Variants in CDH18 observed in about 807,000 individuals in gnomAD.
The protein encoded by CDH18 is cadherin-18.
CDH18 carries 31 observed loss-of-function variants against 67.9 expected under a neutral mutation model. That is an observed-to-expected ratio of 0.46 (90% confidence interval 0.34 to 0.62). The LOEUF (loss-of-function observed/expected upper bound fraction) is 0.62, where lower values mean the gene tolerates loss of function less well. Ranked by LOEUF, CDH18 falls within the 20% of genes least tolerant of loss-of-function variation. The probability of loss-of-function intolerance (pLI) is 0.01; values close to 1 mark genes in which losing one functional copy is unlikely to be tolerated. For synonymous variants in CDH18, 362 were observed against 347.2 expected (o/e 1.04, Z -0.48); for missense variants, 890 against 975.5 (o/e 0.91, Z 1.17).
chr5:20,294,835 A>G (rs531531062), intron 1 of CDH18, among the ~76,000 whole-genome samples: 1 of 152,282 alleles, frequency 6.6e-6, no homozygotes, highest in South Asian at 2.1e-4. Context: ...ACATATATAT[A>G]TACACACATA....
At chr5:19,622,039 A>C (rs1012687595) in intron 5 of CDH18, among the ~76,000 whole-genome samples, 1 of 152,108 alleles carries the variant, frequency 6.6e-6, no homozygotes. Flanking sequence ...AAAAATAAGA[A>C]AGAAACAGCT....
intron 1 of CDH18, among the ~76,000 whole-genome samples, chr5:20,482,850 G>A (rs1427188406): frequency 6.6e-6 from 1 of 151,928 alleles, no homozygotes; most frequent in African/African-American, 2.4e-5. Context: ...AGCCTCTCCT[G>A]CATGATCTCA....
chr5:19,703,212 G>T (rs1763496111), intron 5 of CDH18, among the ~76,000 whole-genome samples: 1 of 152,056 alleles, frequency 6.6e-6, no homozygotes, highest in Non-Finnish European at 1.5e-5. Flanking sequence ...CTATACATGG[G>T]GCTCAAACCT....
At chr5:20,111,737 G>A (rs979478975) in intron 2 of CDH18, among the ~76,000 whole-genome samples, 1 of 151,766 alleles carries the variant, frequency 6.6e-6, no homozygotes, top group Non-Finnish European at 1.5e-5. Context: ...TAGAGATGGG[G>A]TTTCACCATG....
At chr5:20,327,400 T>C (rs1221495228) in intron 1 of CDH18, among the ~76,000 whole-genome samples, 2 of 152,178 alleles carry the variant, frequency 1.3e-5, no homozygotes, top group African/African-American at 4.8e-5. Flanking sequence ...AAAAAGTAGA[T>C]TTACTATGGC....
intron 3 of CDH18, 54 bp from the exon 4 acceptor site, chr5:19,747,290 T>C: frequency 6.9e-7 from 1 of 1,444,082 alleles, no homozygotes; most frequent in Non-Finnish European, 9.5e-7. Context: ...AACCTCACAT[T>C]ATGTTCTCTG....
chr5:20,373,307 G>C (rs897575055), intron 1 of CDH18, among the ~76,000 whole-genome samples: 7 of 152,012 alleles, frequency 4.6e-5, no homozygotes, highest in Non-Finnish European at 7.4e-5. Context: ...TCTTTCTTAA[G>C]TCCCTAGATG....
chr5:20,003,592 A>AT (rs1031545589), intron 2 of CDH18, among the ~76,000 whole-genome samples: 3 of 152,114 alleles, frequency 2.0e-5, no homozygotes, highest in African/African-American at 7.2e-5. Context: ...TATCAATTTT[A>AT]TTTATAAAAT....
chr5:20,035,191 T>C (rs958234767), intron 2 of CDH18, among the ~76,000 whole-genome samples: 28 of 152,058 alleles, frequency 1.8e-4, no homozygotes, highest in Admixed American at 1.6e-3. Context: ...ACTAGTGCAG[T>C]ATTAGCCATT....
chr5:19,961,433 C>T (rs1420307810), intron 2 of CDH18, among the ~76,000 whole-genome samples: 1 of 151,866 alleles, frequency 6.6e-6, no homozygotes, highest in Non-Finnish European at 1.5e-5. Context: ...TATGAGACCA[C>T]CATAATATGT....
intron 1 of CDH18, among the ~76,000 whole-genome samples, chr5:20,372,608 T>C (rs1743092227): frequency 6.6e-6 from 1 of 152,172 alleles, no homozygotes; most frequent in Non-Finnish European, 1.5e-5. Flanking sequence ...AATAGTTAAT[T>C]TAGTTGTATG....
At chr5:20,436,516 G>A (rs1294368462) in intron 1 of CDH18, among the ~76,000 whole-genome samples, 3 of 151,668 alleles carry the variant, frequency 2.0e-5, no homozygotes, top group Admixed American at 6.6e-5. Context: ...AACAGGACAC[G>A]TGGTAGCTCC....
At chr5:20,574,549 T>G (rs1759009422) in intron 1 of CDH18, among the ~76,000 whole-genome samples, 1 of 152,050 alleles carries the variant, frequency 6.6e-6, no homozygotes, top group African/African-American at 2.4e-5. Context: ...TTAAATAAAT[T>G]CTTTCTGTCA....
At chr5:20,248,382 C>T (rs1443729701) in intron 2 of CDH18, among the ~76,000 whole-genome samples, 1 of 152,124 alleles carries the variant, frequency 6.6e-6, no homozygotes. Flanking sequence ...ATTCTGTCCC[C>T]CAGAGGATAA....
At chr5:20,403,409 G>T (rs948432286) in intron 1 of CDH18, among the ~76,000 whole-genome samples, 3 of 152,056 alleles carry the variant, frequency 2.0e-5, no homozygotes, top group African/African-American at 7.2e-5. Context: ...TCTGAGGGTT[G>T]AAAAGCAAGA....
At chr5:19,612,814 T>A (rs991883649) in intron 5 of CDH18, among the ~76,000 whole-genome samples, 2 of 152,118 alleles carry the variant, frequency 1.3e-5, no homozygotes, top group Non-Finnish European at 2.9e-5. Flanking sequence ...ATTAAGTAAA[T>A]TAAGATGTCT....
chr5:20,160,474 T>C (rs1480043212), intron 2 of CDH18, among the ~76,000 whole-genome samples: 2 of 152,258 alleles, frequency 1.3e-5, no homozygotes, highest in Non-Finnish European at 2.9e-5. Context: ...GATTACGTCT[T>C]GCTTTATAAA....
At chr5:19,701,461 AT>A (rs66975022) in intron 5 of CDH18, among the ~76,000 whole-genome samples, 2,995 of 152,180 alleles carry the variant, frequency 0.02, 89 homozygotes, top group African/African-American at 0.069. Context: ...AAAACAGGAG[AT>A]TTAGTCTCCT....
At chr5:19,744,503 T>TACACACACACACAC (rs34059092) in intron 4 of CDH18, among the ~76,000 whole-genome samples, 22 of 146,366 alleles carry the variant, frequency 1.5e-4, no homozygotes, top group African/African-American at 5.2e-4. Context: ...TAACTCAGTG[T>TACACACACACACAC]ACACACACAC....
Sources: allele counts gnomAD v4.1 joint callset (sites outside exome capture counted in the v4.1 genomes callset), GRCh38; gene constraint gnomAD v4.1.1; transcripts MANE v1.5; gene names NCBI Gene and HGNC (gene_info 2026-07-23, HGNC 2026-07-21).